Variants in RIF1 observed in about 807,000 individuals in gnomAD.
RIF1 encodes telomere-associated protein RIF1.
RIF1 carries 45 observed loss-of-function variants against 247.1 expected under a neutral mutation model. The observed-to-expected ratio is 0.18, with a 90% confidence interval of 0.14 to 0.23. The LOEUF (loss-of-function observed/expected upper bound fraction) is 0.23. Among genes scored for constraint, RIF1 ranks in the 10% least tolerant of loss-of-function variants. The pLI is 1.00. For missense variants in RIF1, 2,967 were observed against 2,862.5 expected, an observed-to-expected ratio of 1.04 and a Z score of -0.83; for synonymous variants, 1,087 against 978.8, an observed-to-expected ratio of 1.11 and a Z score of -2.06.
At chr2:151,512,513 C>G (rs2075340456), downstream of RIF1, among the ~76,000 whole-genome samples, 1 of 152,064 alleles carries the variant, frequency 6.6e-6, no homozygotes, top group South Asian at 2.1e-4. Flanking sequence ...AGGGTTTTGC[C>G]ATATTGTCCA....
At chr2:151,429,939 T>C (rs1269535882) in intron 9 of RIF1, among the ~76,000 whole-genome samples, 1 of 152,220 alleles carries the variant, frequency 6.6e-6, no homozygotes, top group Non-Finnish European at 1.5e-5. Context: ...TCCTATATTT[T>C]TCCTGCCAAA....
intron 9 of RIF1, chr2:151,490,103 A>C: frequency 6.5e-7 from 1 of 1,544,176 alleles, no homozygotes; most frequent in South Asian, 1.2e-5. Flanking sequence ...CAAATTCTTT[A>C]TAAGAAGAAA....
At chr2:151,489,681 T>C (rs902147869) in intron 9 of RIF1, among the ~76,000 whole-genome samples, 56 of 152,100 alleles carry the variant, frequency 3.7e-4, no homozygotes, top group Non-Finnish European at 1.5e-4. Flanking sequence ...ATAGGCATGA[T>C]TCACTATGCC....
At chr2:151,425,276 A>G (rs1688847406) in intron 8 of RIF1, among the ~76,000 whole-genome samples, 1 of 151,892 alleles carries the variant, frequency 6.6e-6, no homozygotes, top group South Asian at 2.1e-4. Context: ...GTAGTTCTTT[A>G]TATGTTTTGG....
intron 9 of RIF1, among the ~76,000 whole-genome samples, chr2:151,488,029 T>C (rs1455022242): frequency 6.6e-6 from 1 of 152,160 alleles, no homozygotes; most frequent in African/African-American, 2.4e-5. Context: ...ACTAGCACTT[T>C]TATTTTTATA....
At position 151,448,121 on chromosome 2, in the gene RIF1, T is replaced by C. The variant is rs536220630; in HGVS notation, c.2244+1546T>C. Among the ~76,000 whole-genome samples, 53 of 152,116 alleles carry C rather than the reference T, an allele frequency of 3.5e-4. 1 individual carries two copies. The highest frequency in any genetic ancestry group is 1.0e-3 in the African/African-American group (42 of 41,494). The stretch of plus-strand genomic sequence containing the variant: ...CAGGCTGGAGTGCATTGGTGCAATA[T>C]GGGCTCACTATGACCTCTGCCTCCC... On this transcript the variant is annotated intron_variant, in intron 20 of 35. Coordinates refer to ENST00000444746, the MANE Select transcript of RIF1 (RefSeq NM_018151.5).
chr2:151,492,733 C>T (rs572270270), intron 9 of RIF1: 27 of 322,674 alleles, frequency 8.4e-5, no homozygotes, highest in African/African-American at 4.3e-4. Flanking sequence ...AGAAGGGGCA[C>T]GGTATAATTT....
At chr2:151,438,775 GT>G (rs753651236) in intron 14 of RIF1, 29 bp downstream of exon 14, 32 of 1,464,652 alleles carry the variant, frequency 2.2e-5, no homozygotes, top group Non-Finnish European at 2.8e-5. Flanking sequence ...ATCAAATGTT[GT>G]TTTTTGAAAC....
chr2:151,417,227 GGTT>G (rs974740436), intron 6 of RIF1, among the ~76,000 whole-genome samples: 45 of 152,270 alleles, frequency 3.0e-4, no homozygotes, highest in Admixed American at 1.7e-3. Flanking sequence ...AGTGGGCTTG[GGTT>G]GTTTAGGAAG....
chr2:151,486,081 C>G (rs2050087865), downstream of RIF1: 1 of 776,718 alleles, frequency 1.3e-6, no homozygotes, highest in African/African-American at 1.7e-5. Context: ...TAAAAGGAAC[C>G]CACAAAATAG....
chr2:151,524,364 G>C, the RIF1 span: 1 of 1,613,940 alleles, frequency 6.2e-7, no homozygotes, highest in South Asian at 1.1e-5. Flanking sequence ...GGGCGACCGA[G>C]CATGCTTAAG....
chr2:151,503,145 T>G, exon 12 of RIF1: 1 of 593,266 alleles, frequency 1.7e-6, no homozygotes, highest in Non-Finnish European at 3.0e-6. Context: ...GTATTTCAAA[T>G]CTAGTCAAGT....
chr2:151,513,762 G>A, the RIF1 span: 1 of 1,102,170 alleles, frequency 9.1e-7, no homozygotes, highest in Non-Finnish European at 1.3e-6. Flanking sequence ...CATACAGGGT[G>A]AATGTAAATC....
chr2:151,428,493 T>A (rs553896189), intron 8 of RIF1, among the ~76,000 whole-genome samples: 1 of 152,014 alleles, frequency 6.6e-6, no homozygotes, highest in East Asian at 2.0e-4. Flanking sequence ...CCTAATTTTC[T>A]GTTTTAGAAA....
intron 14 of RIF1, among the ~76,000 whole-genome samples, chr2:151,439,276 C>T (rs887608466): frequency 2.0e-5 from 3 of 152,068 alleles, no homozygotes; most frequent in South Asian, 2.1e-4. Flanking sequence ...AAACCCGTGT[C>T]GTTCAAGGGT....
At chr2:151,512,115 C>G (rs1475018581), downstream of RIF1, among the ~76,000 whole-genome samples, 1 of 147,922 alleles carries the variant, frequency 6.8e-6, no homozygotes, top group East Asian at 2.0e-4. Context: ...ACTGCAAGCT[C>G]TGCCTCCCGG....
At chr2:151,412,681 C>T (rs1225795693) in intron 3 of RIF1, among the ~76,000 whole-genome samples, 2 of 152,096 alleles carry the variant, frequency 1.3e-5, no homozygotes, top group Non-Finnish European at 2.9e-5. Flanking sequence ...CGGGCTTTCA[C>T]CATGTTGACC....
exon 13 of RIF1, chr2:151,506,351 AC>A (rs993910216): frequency 2.2e-6 from 2 of 919,010 alleles, no homozygotes; most frequent in African/African-American, 3.3e-5. Context: ...TTTTGTGAAA[AC>A]AAGACACTAG....
intron 11 of RIF1, among the ~76,000 whole-genome samples, chr2:151,500,406 T>TTGATATATTA (rs1186948262): frequency 1.5e-5 from 2 of 136,576 alleles, no homozygotes; most frequent in African/African-American, 5.3e-5. Context: ...ATATAGAAGC[T>TTGATATATTA]TCAGAGTTGT....
Sources: gnomAD v4.1 joint callset for allele counts (sites outside exome capture counted in the v4.1 genomes callset) on GRCh38, gnomAD v4.1.1 for gene constraint, MANE v1.5 for transcripts, NCBI Gene and HGNC (gene_info 2026-07-23, HGNC 2026-07-21) for gene names.